Variants in LAMA1 observed in about 807,000 individuals in gnomAD.
The protein encoded by LAMA1 is laminin subunit alpha-1.
Under a neutral mutation model 348.7 loss-of-function variants are expected in LAMA1, and 219 were observed. The observed-to-expected ratio is 0.63, with a 90% CI of 0.56 to 0.70. The LOEUF is 0.70. LAMA1 is among the 30% of genes least tolerant of loss of function. The pLI is 0.00. For missense variants in LAMA1, 3,744 were observed against 3,888.0 expected, an observed-to-expected ratio of 0.96 and a Z score of 0.99; for synonymous variants, 1,487 against 1,491.0, an observed-to-expected ratio of 1.00 and a Z score of 0.06.
chr18:7,110,868 G>A (rs759117391), intron 1 of LAMA1, among the ~76,000 whole-genome samples: 1 of 115,070 alleles, frequency 8.7e-6, no homozygotes, highest in Non-Finnish European at 1.7e-5. Context: ...ATCAACTGTG[G>A]TGTGAGGGTT....
intron 3 of LAMA1, among the ~76,000 whole-genome samples, chr18:7,060,381 G>A (rs1381602758): frequency 1.3e-5 from 2 of 152,176 alleles, no homozygotes; most frequent in Non-Finnish European, 2.9e-5. Context: ...AAATAAACAT[G>A]TCCCAAAATT....
intron 55 of LAMA1, chr18:6,956,976 C>G: frequency 1.7e-6 from 1 of 575,288 alleles, no homozygotes. Context: ...TGCAATGGCA[C>G]CCAGCCTAGC....
At chr18:6,995,094 T>C (rs1288891281) in intron 34 of LAMA1, among the ~76,000 whole-genome samples, 9 of 152,086 alleles carry the variant, frequency 5.9e-5, no homozygotes, top group African/African-American at 2.2e-4. Flanking sequence ...GAGGAGAAAA[T>C]GAAAGTCAGA....
intron 1 of LAMA1, among the ~76,000 whole-genome samples, chr18:7,098,231 T>G (rs2058271303): frequency 1.3e-5 from 2 of 152,084 alleles, no homozygotes; most frequent in Non-Finnish European, 2.9e-5. Context: ...TGCCTTGGCC[T>G]CCCAAAGTGC....
At chr18:6,989,039 G>A (rs1401833134) in intron 36 of LAMA1, among the ~76,000 whole-genome samples, 1 of 152,058 alleles carries the variant, frequency 6.6e-6, no homozygotes, top group Non-Finnish European at 1.5e-5. Flanking sequence ...CAAGCAACAT[G>A]GTTTATGCTG....
chr18:7,010,095 C>G, intron 26 of LAMA1, 105 bp downstream of exon 26: 1 of 1,344,612 alleles, frequency 7.4e-7, no homozygotes. Context: ...GTGTGAGCCA[C>G]CGTACCTGGC....
chr18:6,942,571 G>A (rs1049306392), intron 62 of LAMA1, among the ~76,000 whole-genome samples: 24 of 151,818 alleles, frequency 1.6e-4, no homozygotes, highest in Non-Finnish European at 5.9e-5. Context: ...CCGTCACCAC[G>A]TCCAGCTTAT....
chr18:7,055,872 G>A (rs910784871), intron 3 of LAMA1, among the ~76,000 whole-genome samples: 1 of 152,060 alleles, frequency 6.6e-6, no homozygotes, highest in Non-Finnish European at 1.5e-5. Context: ...ACGAGGTCAG[G>A]AGATCGAGAC....
chr18:7,098,354 G>A (rs2058272269), intron 1 of LAMA1, among the ~76,000 whole-genome samples: 1 of 150,340 alleles, frequency 6.7e-6, no homozygotes, highest in Admixed American at 6.6e-5. Context: ...TGCCCAGTCT[G>A]GAAAGTGAGG....
chr18:7,092,751 T>G (rs2058244530), intron 1 of LAMA1, among the ~76,000 whole-genome samples: 3 of 152,096 alleles, frequency 2.0e-5, no homozygotes, highest in African/African-American at 7.3e-5. Flanking sequence ...AAATGATCTT[T>G]CTCTCTTTCT....
chr18:7,002,187 G>C, intron 30 of LAMA1, 77 bp downstream of exon 30: 1 of 1,577,366 alleles, frequency 6.3e-7, no homozygotes. Flanking sequence ...AGACCACTCA[G>C]AGACCCTTGA....
chr18:7,095,122 TTCTCTCTCTCTC>T (rs71165720), intron 1 of LAMA1, among the ~76,000 whole-genome samples: 70 of 126,504 alleles, frequency 5.5e-4, no homozygotes, highest in South Asian at 3.9e-3. Flanking sequence ...CTCAGGACCT[TTCTCTCTCTCTC>T]TCTCTCTCTC....
chr18:6,964,774 T>C lies in LAMA1; in HGVS notation c.7225A>G (p.Thr2409Ala), dbSNP rs748283803. The change falls in exon 51 of 63, where the codon ACC becomes GCC. Residue 2409 changes from threonine (T) to alanine (A), a missense_variant. Physicochemically the swap from Thr to Ala is moderately conservative, Grantham distance 58. Coordinates refer to ENST00000389658, the MANE Select transcript of LAMA1 (RefSeq NM_005559.4). ...CCCTGCTTGGTTTCTTTATTACTGG[T>C]GTTATAGGCATCGATAACTGCTAGC... Reference protein sequence around the residue: ...GVLAVIDAYNTSNKETKQGET... With the variant: ...GVLAVIDAYNASNKETKQGET... 1 of 1,614,120 alleles carries C rather than the reference T, an allele frequency of 6.2e-7. No homozygotes were observed. Among genetic ancestry groups the C allele is most frequent in the Non-Finnish European group, 8.5e-7 (1 of 1,180,032 alleles).
At position 7,052,456 on chromosome 18, in the gene LAMA1, A is replaced by T. The variant is rs534784173; in HGVS notation, c.346-1520T>A. Among the ~76,000 whole-genome samples, 11 of 147,690 alleles carry T rather than the reference A, an allele frequency of 7.4e-5. No individual in the cohort carries two copies. The East Asian group carries it at 2.0e-3, about 27-fold the overall frequency. Reference sequence around the variant, plus strand: ...AAAAAAAAAAAAATGGCTGGGCACCATGGCTCACACCTGTAATCCCAGCAC... The same window carrying T: ...AAAAAAAAAAAAATGGCTGGGCACCTTGGCTCACACCTGTAATCCCAGCAC... On this transcript the variant is annotated intron_variant, in intron 3 of 62. Coordinates refer to ENST00000389658, the MANE Select transcript of LAMA1 (RefSeq NM_005559.4).
rs760803551 is a variant in LAMA1, at chr18:7,117,645, C to G, written c.61+15G>C. The G allele has an allele frequency of 2.5e-5, 40 of 1,596,158 alleles. No individual in the cohort carries two copies. The highest frequency in any genetic ancestry group is 3.2e-5 in the Non-Finnish European group (38 of 1,178,074). The stretch of plus-strand genomic sequence containing the variant: ...CTGCGGGGGACAGGGACCCTAGGAC[C>G]CGGGCCGGGCTCACCTCTCTGCCGG... On this transcript the variant is annotated intron_variant, in intron 1 of 62. Coordinates refer to ENST00000389658, the MANE Select transcript of LAMA1 (RefSeq NM_005559.4).
At chr18:7,099,666 A>T (rs1275260158) in intron 1 of LAMA1, among the ~76,000 whole-genome samples, 1 of 151,968 alleles carries the variant, frequency 6.6e-6, no homozygotes, top group Non-Finnish European at 1.5e-5. Context: ...CCCACAAAAG[A>T]AAATAATTGA....
intron 18 of LAMA1, 32 bp downstream of exon 18, chr18:7,024,348 A>G: frequency 1.3e-6 from 2 of 1,567,112 alleles, no homozygotes; most frequent in Non-Finnish European, 1.8e-6. Flanking sequence ...TTTAATTTCG[A>G]AAATGTGTTG....
At chr18:7,078,197 C>T (rs1260519204) in intron 3 of LAMA1, among the ~76,000 whole-genome samples, 12 of 144,896 alleles carry the variant, frequency 8.3e-5, no homozygotes, top group South Asian at 4.5e-4. Flanking sequence ...GACAGAGTCT[C>T]GCTCTGTCGC....
intron 32 of LAMA1, among the ~76,000 whole-genome samples, chr18:6,998,566 T>C (rs181589116): frequency 1.2e-4 from 19 of 152,222 alleles, no homozygotes. Flanking sequence ...GAGAGAATAG[T>C]GGGGGTGTTT....
Sources: allele counts gnomAD v4.1 joint callset (sites outside exome capture counted in the v4.1 genomes callset), GRCh38; gene constraint gnomAD v4.1.1; transcripts MANE v1.5; gene names NCBI Gene and HGNC (gene_info 2026-07-23, HGNC 2026-07-21).